The following RALGAPA1 variants were observed in gnomAD, a reference collection of about 807,000 sequenced individuals.
RALGAPA1 encodes the protein ral GTPase-activating protein subunit alpha-1.
Under a neutral mutation model 269.6 loss-of-function variants are expected in RALGAPA1, and 52 were observed. The ratio of observed to expected loss-of-function variants is 0.19; its 90% CI spans 0.15 to 0.24. The LOEUF (loss-of-function observed/expected upper bound fraction) is 0.24. RALGAPA1 is among the 10% of genes least tolerant of loss of function. The pLI is 1.00. For synonymous variants in RALGAPA1, 817 were observed against 1,008.3 expected (o/e 0.81, Z 3.60); for missense variants, 1,917 against 3,013.9 (o/e 0.64, Z 8.52).
At chr14:35,776,973 A>AGT (rs1468431631) in intron 1 of RALGAPA1, among the ~76,000 whole-genome samples, 2 of 152,104 alleles carry the variant, frequency 1.3e-5, no homozygotes, top group Non-Finnish European at 1.5e-5. Flanking sequence ...GGAGAACTGT[A>AGT]GTTTCTGGGT....
Position 35,683,948 on chromosome 14 carries a change from A to G in RALGAPA1, c.4332T>C (p.Ser1444=), listed in dbSNP as rs769366368. 8 of 1,613,302 alleles carry G rather than the reference A, an allele frequency of 5.0e-6. No homozygotes were observed. The highest frequency in any genetic ancestry group is 4.4e-5 in the South Asian group (4 of 90,910). The change falls in exon 21 of 42, where the codon TCT becomes TCC. Residue 1444 remains serine (S), a synonymous_variant. Coordinates refer to ENST00000680220, the MANE Select transcript of RALGAPA1 (RefSeq NM_001346249.2). ...GGCCAGAACCTGAATCCACATCAGC[A>G]GAGGACGTAACCCCAGTGTCGGTTC... is the stretch of plus-strand genomic sequence containing the variant. The part of the protein sequence containing the change: ...GFGTDTGVTS[S]ADVDSGSGHH...
At chr14:35,663,321 T>A (rs1008407216) in intron 27 of RALGAPA1, among the ~76,000 whole-genome samples, 2 of 151,818 alleles carry the variant, frequency 1.3e-5, no homozygotes, top group Non-Finnish European at 2.9e-5. Context: ...ATTACAAGTA[T>A]AATAAACGTA....
chr14:35,739,651 A>T (rs745597986), intron 11 of RALGAPA1, among the ~76,000 whole-genome samples: 4 of 152,190 alleles, frequency 2.6e-5, no homozygotes, highest in Non-Finnish European at 5.9e-5. Flanking sequence ...TGCAAAAGAA[A>T]GAAACTTGCG....
At chr14:35,701,075 T>A (rs1393548994) in intron 16 of RALGAPA1, among the ~76,000 whole-genome samples, 3 of 152,214 alleles carry the variant, frequency 2.0e-5, no homozygotes, top group Non-Finnish European at 4.4e-5. Flanking sequence ...GATTACTTTT[T>A]AAAAATTGCA....
chr14:35,700,864 G>A (rs898226435), intron 16 of RALGAPA1, among the ~76,000 whole-genome samples: 1 of 152,108 alleles, frequency 6.6e-6, no homozygotes, highest in African/African-American at 2.4e-5. Context: ...TGTCTAGTAT[G>A]TGTTTCTGGT....
At chr14:35,718,792 A>G (rs2069093272) in intron 16 of RALGAPA1, among the ~76,000 whole-genome samples, 1 of 151,924 alleles carries the variant, frequency 6.6e-6, no homozygotes, top group Non-Finnish European at 1.5e-5. Flanking sequence ...ACAACAGAGC[A>G]AGACTCCATC....
At chr14:35,684,184 G>A (rs115943137) in intron 20 of RALGAPA1, among the ~76,000 whole-genome samples, 199 bp from the exon 21 acceptor site, 1 of 152,290 alleles carries the variant, frequency 6.6e-6, no homozygotes, top group African/African-American at 2.4e-5. Context: ...CATGAAGGGA[G>A]GAAACATGTA....
At chr14:35,786,429 C>T (rs1394948921) in intron 1 of RALGAPA1, among the ~76,000 whole-genome samples, 2 of 151,906 alleles carry the variant, frequency 1.3e-5, no homozygotes, top group East Asian at 1.9e-4. Flanking sequence ...CACGAGGTCA[C>T]GAGGTCAGAA....
chr14:35,737,634 C>T (rs188548986), intron 12 of RALGAPA1, among the ~76,000 whole-genome samples: 12 of 151,522 alleles, frequency 7.9e-5, no homozygotes, highest in African/African-American at 2.7e-4. Flanking sequence ...TGGCGGGCAC[C>T]TGTAATCCCA....
intron 21 of RALGAPA1, among the ~76,000 whole-genome samples, chr14:35,681,922 A>G (rs542229127): frequency 6.6e-6 from 1 of 152,186 alleles, no homozygotes; most frequent in East Asian, 1.9e-4. Flanking sequence ...TTTGTATTTG[A>G]CTTCTTTCAT....
rs1376399259 is a variant in RALGAPA1 at position 35,538,758 on chromosome 14, G to C, written c.*956C>G. 3 of 148,740 alleles carry C rather than the reference G, an allele frequency of 2.0e-5. No individual in the cohort carries two copies. Among genetic ancestry groups the C allele is most frequent in the Non-Finnish European group, 4.5e-5 (3 of 67,368 alleles). 9.2% of individuals were successfully genotyped at this position (148,740 alleles called of 1,614,324 possible). On this transcript the variant is annotated 3_prime_UTR_variant, in exon 42 of 42. Coordinates refer to ENST00000680220, the MANE Select transcript of RALGAPA1 (RefSeq NM_001346249.2). ...TTCTTTTCTTCCCCATCTTCTTTTTGGTGCTTAAAAAAGAACATAGAAACA... is the reference window on the plus strand; with the variant it reads ...TTCTTTTCTTCCCCATCTTCTTTTTCGTGCTTAAAAAAGAACATAGAAACA...
At chr14:35,675,968 T>C (rs1455330629) in intron 22 of RALGAPA1, among the ~76,000 whole-genome samples, 1 of 152,128 alleles carries the variant, frequency 6.6e-6, no homozygotes, top group Non-Finnish European at 1.5e-5. Flanking sequence ...TATAACTGAC[T>C]GTATTATTAA....
chr14:35,776,796 C>T (rs979287042), intron 1 of RALGAPA1, among the ~76,000 whole-genome samples: 3 of 152,070 alleles, frequency 2.0e-5, no homozygotes, highest in Non-Finnish European at 2.9e-5. Context: ...GCAAGAAAAA[C>T]GTGAGGTATG....
chr14:35,798,464 G>A lies in RALGAPA1; in HGVS notation c.106+10266C>T, dbSNP rs537697549. ...AGTGCTGGAATTCCAGGCATGACCC[G>A]CCATGCCCAGCCTGTAAGAGAAGAC... On this transcript the variant is annotated intron_variant, in intron 1 of 41. Transcript: ENST00000680220. Among the ~76,000 whole-genome samples the A allele has an allele frequency of 1.2e-4, 19 of 152,208 alleles. No homozygotes were observed. In the South Asian group the frequency reaches 3.5e-3, roughly 28 times the overall value.
At chr14:35,618,131 C>A (rs1198027633) in intron 35 of RALGAPA1, among the ~76,000 whole-genome samples, 1 of 152,048 alleles carries the variant, frequency 6.6e-6, no homozygotes, top group African/African-American at 2.4e-5. Context: ...AGATAATATT[C>A]ATGTTATGAA....
chr14:35,703,777 AT>A (rs925948771), intron 16 of RALGAPA1, among the ~76,000 whole-genome samples: 2 of 152,176 alleles, frequency 1.3e-5, no homozygotes, highest in African/African-American at 4.8e-5. Flanking sequence ...AGTATGAAAA[AT>A]ATAACATCAA....
chr14:35,629,778 C>T (rs1012230305), intron 33 of RALGAPA1, among the ~76,000 whole-genome samples: 1 of 152,154 alleles, frequency 6.6e-6, no homozygotes, highest in Non-Finnish European at 1.5e-5. Flanking sequence ...GGATTACAGG[C>T]GTGAGCCACT....
At chr14:35,575,325 C>T (rs1382025143) in intron 37 of RALGAPA1, among the ~76,000 whole-genome samples, 3 of 152,160 alleles carry the variant, frequency 2.0e-5, no homozygotes, top group Non-Finnish European at 4.4e-5. Flanking sequence ...TCAACTGCTA[C>T]TGAAGTCATT....
At chr14:35,553,765 T>C (rs1421943589) in intron 39 of RALGAPA1, among the ~76,000 whole-genome samples, 1 of 152,210 alleles carries the variant, frequency 6.6e-6, no homozygotes, top group East Asian at 1.9e-4. Flanking sequence ...ATCTGTATAA[T>C]TGCTTATTTT....
Sources: allele counts gnomAD v4.1 joint callset (sites outside exome capture counted in the v4.1 genomes callset), GRCh38; gene constraint gnomAD v4.1.1; transcripts MANE v1.5; gene names NCBI Gene and HGNC (gene_info 2026-07-23, HGNC 2026-07-21).